The following CD38 variants were observed in gnomAD, a reference collection of about 807,000 sequenced individuals.
CD38 encodes the protein ADP-ribosyl cyclase/cyclic ADP-ribose hydrolase 1.
A neutral mutation model predicts 36.3 loss-of-function variants in CD38; 31 were observed. The observed-to-expected ratio is 0.85, with a 90% CI of 0.64 to 1.15. CD38 has a LOEUF of 1.15. Ranked by LOEUF, CD38 falls within the 50% of genes most tolerant of loss-of-function variation. The pLI, the probability that CD38 is intolerant of heterozygous loss-of-function variation, is 0.00. For synonymous variants in CD38, 131 were observed against 135.2 expected (o/e 0.97, Z 0.22); for missense variants, 380 against 371.9 (o/e 1.02, Z -0.18).
At chr4:15,784,289 T>C (rs1277225654) in intron 1 of CD38, among the ~76,000 whole-genome samples, 7 of 151,832 alleles carry the variant, frequency 4.6e-5, no homozygotes, top group Non-Finnish European at 1.0e-4. Flanking sequence ...TGGGGCAGAG[T>C]CAGGAAGCAC....
intron 1 of CD38, among the ~76,000 whole-genome samples, chr4:15,816,279 A>G (rs1047079213): frequency 1.3e-5 from 2 of 152,196 alleles, no homozygotes; most frequent in Non-Finnish European, 2.9e-5. Context: ...TTGGCCTCAT[A>G]AAATGACTTA....
At chr4:15,813,439 T>A (rs545265799) in intron 1 of CD38, among the ~76,000 whole-genome samples, 5 of 152,310 alleles carry the variant, frequency 3.3e-5, no homozygotes, top group African/African-American at 7.2e-5. Flanking sequence ...AATTTTTTTT[T>A]AAATTTTACT....
At chr4:15,841,087 A>C (rs1181957757) in intron 7 of CD38, among the ~76,000 whole-genome samples, 2 of 152,204 alleles carry the variant, frequency 1.3e-5, no homozygotes, top group Non-Finnish European at 2.9e-5. Context: ...TGTGTTTATT[A>C]GAAAACAGTT....
Position 15,786,502 on chromosome 4 carries a change from G to A in CD38, c.233+7855G>A, listed in dbSNP as rs1363635059. Among the ~76,000 whole-genome samples the A allele has an allele frequency of 3.7e-4, 56 of 152,074 alleles. 1 individual carries two copies. The highest frequency in any genetic ancestry group is 3.7e-3 in the Admixed American group (56 of 15,272). On this transcript the variant is annotated intron_variant, in intron 1 of 7. Coordinates refer to ENST00000226279, the MANE Select transcript of CD38 (RefSeq NM_001775.4). ...GTCCCTAGTAGATTAGCTAGACACA[G>A]AGCACTGATTGGTGCATTTACAAAC...
intron 2 of CD38, 137 bp downstream of exon 2, chr4:15,816,777 G>T (rs775708023): frequency 9.9e-6 from 9 of 910,174 alleles, no homozygotes; most frequent in Non-Finnish European, 1.4e-5. Context: ...GGTAGGAATG[G>T]AATTTGCAGG....
chr4:15,824,008 T>G (rs1723794551), intron 2 of CD38, among the ~76,000 whole-genome samples: 1 of 152,110 alleles, frequency 6.6e-6, no homozygotes, highest in Admixed American at 6.6e-5. Flanking sequence ...TGTAGGGACA[T>G]AGATGGAGCC....
intron 1 of CD38, among the ~76,000 whole-genome samples, chr4:15,779,277 C>A (rs1722634366): frequency 6.6e-6 from 1 of 152,202 alleles, no homozygotes; most frequent in African/African-American, 2.4e-5. Flanking sequence ...ACAATGTCAA[C>A]TTCTAAAACC....
At position 15,778,552 on chromosome 4, in the gene CD38, G is replaced by A; in HGVS notation, c.138G>A (p.Trp46Ter). ...TGCTCGCGGTGGTCGTCCCGAGGTG[G>A]CGCCAGCAGTGGAGCGGTCCGGGCA... ...VVVLAVVVPR[W>*]RQQWSGPGTT... The change falls in exon 1 of 8, where the codon TGG becomes TGA. Residue 46 changes from tryptophan to a stop codon, truncating the protein, a stop_gained. Transcript: ENST00000226279. LOFTEE classifies it high-confidence loss of function. This position sits in a 1 kb window ranked among gnomAD's most constrained non-coding sequence, Gnocchi z 4.9. 1 of 1,611,430 alleles carries A rather than the reference G, an allele frequency of 6.2e-7. No homozygotes were observed. Among genetic ancestry groups the A allele is most frequent in the Non-Finnish European group, 8.5e-7 (1 of 1,179,300 alleles).
intron 1 of CD38, among the ~76,000 whole-genome samples, chr4:15,802,487 GTTTGTTTTATTTTATTTTAT>G (rs1429103231): frequency 8.2e-6 from 1 of 122,178 alleles, no homozygotes; most frequent in African/African-American, 2.6e-5. Flanking sequence ...CAAAGCAATT[GTTTGTTTTATTTTATTTTAT>G]TTTATTTTAT....
At chr4:15,826,619 T>C (rs1723855960) in intron 3 of CD38, among the ~76,000 whole-genome samples, 1 of 152,064 alleles carries the variant, frequency 6.6e-6, no homozygotes, top group African/African-American at 2.4e-5. Context: ...AGAGTATATA[T>C]ATGAGGCCAG....
intron 1 of CD38, among the ~76,000 whole-genome samples, chr4:15,799,996 T>G (rs187388489): frequency 6.6e-6 from 1 of 152,196 alleles, no homozygotes; most frequent in Admixed American, 6.5e-5. Flanking sequence ...TGCACTAAAA[T>G]AGGGAAGCTA....
In CD38 at chr4:15,824,958, CACGCT is replaced by C; in HGVS notation, c.442_446del (p.Thr148AlafsTer6). The C allele has an allele frequency of 6.2e-7, 1 of 1,613,894 alleles. No individual in the cohort carries two copies. The highest frequency in any genetic ancestry group is 1.1e-5 in the South Asian group (1 of 91,070). ...AGCGGGACATGTTCACCCTGGAGGACACGCTGCTAGGCTACCTTGCTGATGACCTC... is the reference window on the plus strand; with the variant it reads ...AGCGGGACATGTTCACCCTGGAGGACGCTAGGCTACCTTGCTGATGACCTC... On this transcript the variant is annotated frameshift_variant, in exon 3 of 8. Transcript: ENST00000226279. LOFTEE classifies it high-confidence loss of function.
At chr4:15,841,308 T>G (rs1444836963) in intron 7 of CD38, among the ~76,000 whole-genome samples, 2 of 152,166 alleles carry the variant, frequency 1.3e-5, no homozygotes, top group Non-Finnish European at 2.9e-5. Flanking sequence ...GAAGCTGAGA[T>G]GCTAGAATAT....
At chr4:15,833,369 A>T (rs1723995362) in intron 3 of CD38, among the ~76,000 whole-genome samples, 1 of 152,210 alleles carries the variant, frequency 6.6e-6, no homozygotes, top group South Asian at 2.1e-4. Flanking sequence ...AAGATAAAAG[A>T]GGTTTATTTT....
intron 1 of CD38, among the ~76,000 whole-genome samples, chr4:15,811,370 C>G (rs1723465602): frequency 6.6e-6 from 1 of 151,994 alleles, no homozygotes. Context: ...ATTTTTTATT[C>G]TATGTTTGCC....
chr4:15,823,017 A>G (rs1723773096), intron 2 of CD38, among the ~76,000 whole-genome samples: 1 of 152,072 alleles, frequency 6.6e-6, no homozygotes, highest in Admixed American at 6.5e-5. Flanking sequence ...GAGATCTCAG[A>G]AATAAAACTA....
chr4:15,850,923 G>A lies in CD38; in HGVS notation c.*2321G>A, dbSNP rs532838048. 5.3e-5 allele frequency: 8 copies of A among 152,282 alleles called. No individual in the cohort carries two copies. Among genetic ancestry groups the A allele is most frequent in the African/African-American group, 1.7e-4 (7 of 41,550 alleles). 9.4% of individuals were successfully genotyped at this position (152,282 alleles called of 1,614,324 possible). A position where few individuals can be genotyped will look rare whatever the true frequency, so the allele number is the denominator to read the frequency against. ...TTGGTTGCTGCTTTCGGGACTCATC[G>A]AGTCCTTGCTCAACAGGATACCCCT... On this transcript the variant is annotated 3_prime_UTR_variant, in exon 8 of 8. Transcript: ENST00000226279.
intron 3 of CD38, among the ~76,000 whole-genome samples, chr4:15,833,269 T>A (rs916872459): frequency 1.3e-5 from 2 of 152,156 alleles, no homozygotes; most frequent in East Asian, 1.9e-4. Context: ...CCAAGGCCCA[T>A]GACATACTAA....
intron 5 of CD38, among the ~76,000 whole-genome samples, chr4:15,838,747 G>A (rs1258860430): frequency 6.6e-6 from 1 of 152,182 alleles, no homozygotes; most frequent in African/African-American, 2.4e-5. Context: ...TATCATCTGT[G>A]TGACCTCAGG....
Sources: allele counts gnomAD v4.1 joint callset (sites outside exome capture counted in the v4.1 genomes callset), GRCh38; gene constraint gnomAD v4.1.1; non-coding constraint Gnocchi (gnomAD v3.1); transcripts MANE v1.5; gene names NCBI Gene and HGNC (gene_info 2026-07-23, HGNC 2026-07-21).